The following TES variants were observed in gnomAD, a reference collection of about 807,000 sequenced individuals.
TES encodes testin LIM domain protein, also known as testin.
TES carries 41 observed loss-of-function variants against 48.2 expected under a neutral mutation model. The ratio of observed to expected loss-of-function variants is 0.85; its 90% CI spans 0.66 to 1.10. TES has a LOEUF of 1.10. Among genes scored for constraint, TES ranks in the 50% least tolerant of loss-of-function variants. The pLI is 0.00. For missense variants in TES, 463 were observed against 515.1 expected, an observed-to-expected ratio of 0.90 and a Z score of 0.98; for synonymous variants, 162 against 174.9, an observed-to-expected ratio of 0.93 and a Z score of 0.58.
chr7:116,217,070 C>T (rs1799502694), intron 1 of TES, among the ~76,000 whole-genome samples: 1 of 152,032 alleles, frequency 6.6e-6, no homozygotes, highest in South Asian at 2.1e-4. Flanking sequence ...TATGCTATTG[C>T]AAGTGTTGAT....
At chr7:116,252,032 C>T (rs1435556068) in intron 5 of TES, 57 bp downstream of exon 5, 7 of 1,548,844 alleles carry the variant, frequency 4.5e-6, no homozygotes, top group African/African-American at 4.1e-5. Context: ...CATATGGTCC[C>T]TTTACCTAGA....
At chr7:116,246,943 GC>G (rs756889374) in intron 2 of TES, among the ~76,000 whole-genome samples, 11 of 109,642 alleles carry the variant, frequency 1.0e-4, no homozygotes, top group African/African-American at 2.2e-4. Context: ...CAGAGACTAG[GC>G]CCCTTTTTTT....
At chr7:116,215,737 C>T (rs3807961) in intron 1 of TES, among the ~76,000 whole-genome samples, 30,626 of 151,920 alleles carry the variant, frequency 0.2, 3,470 homozygotes, top group East Asian at 0.43. Context: ...AAGGGATGCT[C>T]GTGGTCTTTT....
intron 1 of TES, among the ~76,000 whole-genome samples, chr7:116,225,650 G>C (rs1343430893): frequency 6.6e-6 from 1 of 152,186 alleles, no homozygotes; most frequent in Non-Finnish European, 1.5e-5. Context: ...ATACATCTAA[G>C]CTGAAAAGGT....
chr7:116,227,318 T>G (rs538171372), intron 1 of TES, among the ~76,000 whole-genome samples: 2 of 151,498 alleles, frequency 1.3e-5, no homozygotes, highest in Admixed American at 6.6e-5. Context: ...GAAACGGGGT[T>G]TCACCATCTT....
chr7:116,236,764 C>T lies in TES; in HGVS notation c.113+2145C>T, dbSNP rs572226227. Among the ~76,000 whole-genome samples the T allele has an allele frequency of 1.3e-3, 198 of 152,120 alleles. 2 individuals carry two copies. Among genetic ancestry groups the T allele is most frequent in the African/African-American group, 4.4e-3 (181 of 41,496 alleles). On this transcript the variant is annotated intron_variant, in intron 2 of 6. Coordinates refer to ENST00000358204, the MANE Select transcript of TES (RefSeq NM_015641.4). ...CGATATTTTCAGATGAAAATATATC[C>T]GACAAGAGCAGATCTCCATGGCATG... is the stretch of plus-strand genomic sequence containing the variant.
chr7:116,242,639 TTAA>T (rs544317633), intron 2 of TES, among the ~76,000 whole-genome samples: 104 of 152,300 alleles, frequency 6.8e-4, no homozygotes, highest in African/African-American at 2.3e-3. Context: ...AAATCTATAA[TTAA>T]TAATGTATTA....
intron 1 of TES, among the ~76,000 whole-genome samples, chr7:116,217,075 GT>G (rs1799502841): frequency 6.6e-6 from 1 of 152,124 alleles, no homozygotes; most frequent in Non-Finnish European, 1.5e-5. Flanking sequence ...TATTGCAAGT[GT>G]TGATAGAGCA....
At chr7:116,231,645 CA>C (rs1281959559) in intron 1 of TES, among the ~76,000 whole-genome samples, 4 of 151,856 alleles carry the variant, frequency 2.6e-5, no homozygotes, top group South Asian at 4.2e-4. Flanking sequence ...ACCTGAAATC[CA>C]AAAAAAGGAA....
chr7:116,217,873 T>C, intron 1 of TES: 1 of 515,656 alleles, frequency 1.9e-6, no homozygotes, highest in Non-Finnish European at 3.9e-6. Flanking sequence ...CTAAGTGCCC[T>C]GTCTACCTAA....
Position 116,234,539 on chromosome 7 carries a change from C to T in TES, c.33C>T (p.Gly11=), listed in dbSNP as rs1207265794. ...TGATGTTTTCTTTTTAACAGATGGG[C>T]TTAGGTCACGAGCAAGGATTTGGAG... MDLENKVKKM[G]LGHEQGFGAP... is the part of the protein sequence containing the mutation. Residue 11 remains glycine, a synonymous_variant, in exon 2 of 7, where the codon GGC becomes GGT. Transcript: ENST00000358204. 6.2e-7 allele frequency: 1 copy of T among 1,613,476 alleles called. No homozygotes were observed. Among genetic ancestry groups the T allele is most frequent in the Non-Finnish European group, 8.5e-7 (1 of 1,179,536 alleles).
At position 116,257,181 on chromosome 7, in the gene TES, G is replaced by A. The variant is rs79303156; in HGVS notation, c.1078-113G>A. On this transcript the variant is annotated intron_variant, in intron 6 of 6. Coordinates refer to ENST00000358204, the MANE Select transcript of TES (RefSeq NM_015641.4). Reference sequence around the variant, plus strand: ...AGGCCACCCTCCATTGTGTATTTCTGAGGTTGTCATTATGAGTTTTAATTT... The same window carrying A: ...AGGCCACCCTCCATTGTGTATTTCTAAGGTTGTCATTATGAGTTTTAATTT... 1.8e-3 allele frequency: 2,114 copies of A among 1,168,120 alleles called. 27 individuals are homozygous for A. The African/African-American group carries it at 0.028, about 15-fold the overall frequency. The allele number at this position is 1,168,120 out of a possible 1,614,324, so 72.4% of individuals were successfully genotyped here.
chr7:116,213,337 C>T (rs1336105518), intron 1 of TES, among the ~76,000 whole-genome samples: 3 of 152,176 alleles, frequency 2.0e-5, no homozygotes, highest in African/African-American at 7.2e-5. Context: ...AAAGATACAA[C>T]CATTTAAATA....
chr7:116,227,368 C>T (rs888383740), intron 1 of TES, among the ~76,000 whole-genome samples: 49 of 151,810 alleles, frequency 3.2e-4, no homozygotes, highest in African/African-American at 1.1e-3. Flanking sequence ...ATGATCCACC[C>T]GCCTCAGCCT....
chr7:116,230,014 A>G lies in TES; in HGVS notation c.28-4520A>G, dbSNP rs989923565. Among the ~76,000 whole-genome samples the G allele has an allele frequency of 4.7e-4, 72 of 152,348 alleles. 1 individual carries two copies. The highest frequency in any genetic ancestry group is 1.7e-3 in the African/African-American group (71 of 41,562). On this transcript the variant is annotated intron_variant, in intron 1 of 6. Transcript: ENST00000358204. Reference sequence around the variant, plus strand: ...ATTTAAGTTTTGTAGCTATATACTTATAGCTATAAAATAAATTTCTTACTG... The same window carrying G: ...ATTTAAGTTTTGTAGCTATATACTTGTAGCTATAAAATAAATTTCTTACTG...
chr7:116,257,153 A>G, intron 6 of TES, 141 bp from the exon 7 acceptor site: 5 of 893,544 alleles, frequency 5.6e-6, no homozygotes, highest in Non-Finnish European at 8.0e-6. Context: ...AAGGTTAGCT[A>G]GAAGGCCACC....
rs989026820 is a variant in TES at position 116,220,625 on chromosome 7, A to G, written c.27+9891A>G. 3.9e-5 allele frequency among the ~76,000 whole-genome samples: 6 copies of G among 152,200 alleles called. No homozygotes were observed. The East Asian group carries it at 9.6e-4, about 24-fold the overall frequency. ...ATATAGCAAGTACCTGGTCAGTGTT[A>G]TTAATGTTCTCTGATCAGTTTTGTT... On this transcript the variant is annotated intron_variant, in intron 1 of 6. Coordinates refer to ENST00000358204, the MANE Select transcript of TES (RefSeq NM_015641.4).
At chr7:116,220,946 A>G (rs1390450297) in intron 1 of TES, among the ~76,000 whole-genome samples, 1 of 152,180 alleles carries the variant, frequency 6.6e-6, no homozygotes, top group Non-Finnish European at 1.5e-5. Flanking sequence ...CAAGAAATTC[A>G]ATCTAGAGGG....
intron 1 of TES, among the ~76,000 whole-genome samples, chr7:116,232,655 TTTTG>T (rs574362080): frequency 3.2e-3 from 485 of 152,346 alleles, no homozygotes; most frequent in Non-Finnish European, 6.0e-3. Flanking sequence ...TCCCTCTGTC[TTTTG>T]TTTAACCTAC....
Sources: gnomAD v4.1 joint callset for allele counts (sites outside exome capture counted in the v4.1 genomes callset) on GRCh38, gnomAD v4.1.1 for gene constraint, MANE v1.5 for transcripts, NCBI Gene and HGNC (gene_info 2026-07-23, HGNC 2026-07-21) for gene names.